The following CEP70 variants were observed in gnomAD, a reference collection of about 807,000 sequenced individuals.
CEP70 encodes the protein centrosomal protein of 70 kDa.
A neutral mutation model predicts 90.9 loss-of-function variants in CEP70; 70 were observed. The ratio of observed to expected loss-of-function variants is 0.77; its 90% confidence interval spans 0.64 to 0.94. CEP70 has a LOEUF of 0.94. CEP70 is among the 40% of genes least tolerant of loss of function. The pLI, the probability that CEP70 is intolerant of heterozygous loss-of-function variation, is 0.00. For missense variants in CEP70, 648 were observed against 669.0 expected (o/e 0.97, Z 0.35); for synonymous variants, 220 against 228.3 (o/e 0.96, Z 0.33).
At position 138,578,899 on chromosome 3, in the gene CEP70, C is replaced by A. The variant is rs556560374; in HGVS notation, c.-5-5967G>T. Reference sequence around the variant, plus strand: ...AAGAACTATCTTTACAAAAAAGCACCTTCATAAGAGCCAAAAATCAGGTGA... The same window carrying A: ...AAGAACTATCTTTACAAAAAAGCACATTCATAAGAGCCAAAAATCAGGTGA... On this transcript the variant is annotated intron_variant, in intron 2 of 17. Coordinates refer to ENST00000264982, the MANE Select transcript of CEP70 (RefSeq NM_024491.4). Among the ~76,000 whole-genome samples, 57 of 152,308 alleles carry A rather than the reference C, an allele frequency of 3.7e-4. No individual in the cohort carries two copies. In the South Asian group the frequency reaches 8.7e-3, roughly 23 times the overall value.
chr3:138,500,600 C>A, intron 14 of CEP70, 33 bp from the exon 15 acceptor site: 2 of 1,554,150 alleles, frequency 1.3e-6, no homozygotes, highest in South Asian at 2.5e-5. Flanking sequence ...AGAAAGAGTT[C>A]ATTATCTTAA....
At chr3:138,533,594 A>G (rs2038011645) in intron 7 of CEP70, among the ~76,000 whole-genome samples, 1 of 152,168 alleles carries the variant, frequency 6.6e-6, no homozygotes, top group African/African-American at 2.4e-5. Context: ...GAACAACACA[A>G]CAATACACAA....
At chr3:138,510,111 G>T (rs1252230552) in intron 11 of CEP70, among the ~76,000 whole-genome samples, 2 of 152,036 alleles carry the variant, frequency 1.3e-5, no homozygotes, top group African/African-American at 4.8e-5. Flanking sequence ...AGAAATCTGG[G>T]CTAGTTTTGC....
chr3:138,505,220 T>C, intron 13 of CEP70, 75 bp downstream of exon 13: 5 of 1,161,004 alleles, frequency 4.3e-6, no homozygotes, highest in Non-Finnish European at 5.8e-6. Flanking sequence ...TTTTTAGCCC[T>C]GAATTAAGTC....
intron 6 of CEP70, among the ~76,000 whole-genome samples, chr3:138,543,703 C>A (rs1490479146): frequency 6.6e-6 from 1 of 152,162 alleles, no homozygotes; most frequent in Non-Finnish European, 1.5e-5. Context: ...TTGTTGCCAC[C>A]TCTATCAGGA....
chr3:138,588,556 T>C (rs2042221894), intron 2 of CEP70, among the ~76,000 whole-genome samples: 1 of 152,192 alleles, frequency 6.6e-6, no homozygotes, highest in South Asian at 2.1e-4. Flanking sequence ...CCACTACACA[T>C]ATTAGAATGG....
chr3:138,497,530 A>G, intron 17 of CEP70: 1 of 968,740 alleles, frequency 1.0e-6, no homozygotes, highest in Non-Finnish European at 1.2e-6. Context: ...AGACACTACT[A>G]CTAATGAAGC....
intron 6 of CEP70, among the ~76,000 whole-genome samples, chr3:138,540,130 GA>G (rs2038626628): frequency 6.6e-6 from 1 of 152,098 alleles, no homozygotes; most frequent in African/African-American, 2.4e-5. Flanking sequence ...AATTCATTAA[GA>G]AGTCGGCAAA....
chr3:138,558,934 G>A (rs1274281063), intron 6 of CEP70, among the ~76,000 whole-genome samples: 1 of 152,084 alleles, frequency 6.6e-6, no homozygotes, highest in East Asian at 1.9e-4. Context: ...TTGAGGTGAA[G>A]TTCACATAAC....
At chr3:138,588,784 T>C (rs2042233345) in intron 2 of CEP70, among the ~76,000 whole-genome samples, 1 of 152,216 alleles carries the variant, frequency 6.6e-6, no homozygotes, top group African/African-American at 2.4e-5. Flanking sequence ...TGTACACAAA[T>C]GTTCGTAAGA....
At chr3:138,569,109 T>C (rs2040991258) in intron 6 of CEP70, among the ~76,000 whole-genome samples, 1 of 152,178 alleles carries the variant, frequency 6.6e-6, no homozygotes, top group Admixed American at 6.5e-5. Flanking sequence ...GCAGCTCTAC[T>C]ACTGCCTGCC....
intron 7 of CEP70, 38 bp from the exon 8 acceptor site, chr3:138,532,608 TATG>T: frequency 8.0e-6 from 4 of 498,232 alleles, no homozygotes; most frequent in South Asian, 3.1e-5. Flanking sequence ...CAAAATGCGG[TATG>T]GTATTACAGC....
At chr3:138,573,813 G>A (rs1298357069) in intron 2 of CEP70, among the ~76,000 whole-genome samples, 1 of 152,186 alleles carries the variant, frequency 6.6e-6, no homozygotes, top group Non-Finnish European at 1.5e-5. Flanking sequence ...GTGGACACTG[G>A]TAAAGGTATC....
chr3:138,584,973 A>G (rs2042041624), intron 2 of CEP70, among the ~76,000 whole-genome samples: 1 of 152,108 alleles, frequency 6.6e-6, no homozygotes, highest in Non-Finnish European at 1.5e-5. Context: ...ATCAGAGATG[A>G]AAAAGGACTG....
intron 2 of CEP70, among the ~76,000 whole-genome samples, chr3:138,587,019 A>G (rs995311009): frequency 3.3e-5 from 5 of 152,090 alleles, no homozygotes; most frequent in African/African-American, 1.2e-4. Context: ...AAAAATCTCT[A>G]CAGACAAGAA....
chr3:138,513,540 GTA>G (rs1488505250), intron 11 of CEP70, among the ~76,000 whole-genome samples: 1 of 152,184 alleles, frequency 6.6e-6, no homozygotes, highest in African/African-American at 2.4e-5. Context: ...CCATCTGGGT[GTA>G]TGTCAGACTG....
At chr3:138,573,006 G>T in intron 2 of CEP70, 74 bp from the exon 3 acceptor site, 1 of 995,670 alleles carries the variant, frequency 1.0e-6, no homozygotes, top group Non-Finnish European at 1.6e-6. Context: ...AAGACAAAAA[G>T]TGCAAAAGGA....
chr3:138,511,443 G>A (rs1035462983), intron 11 of CEP70, among the ~76,000 whole-genome samples: 4 of 152,226 alleles, frequency 2.6e-5, no homozygotes, highest in Admixed American at 6.5e-5. Context: ...AGGACTAGAC[G>A]TAAACTGATA....
At chr3:138,505,227 A>G in intron 13 of CEP70, 68 bp downstream of exon 13, 1 of 1,198,172 alleles carries the variant, frequency 8.3e-7, no homozygotes, top group East Asian at 2.6e-5. Flanking sequence ...CCCTGAATTA[A>G]GTCCTATTAA....
Sources: gnomAD v4.1 joint callset for allele counts (sites outside exome capture counted in the v4.1 genomes callset) on GRCh38, gnomAD v4.1.1 for gene constraint, MANE v1.5 for transcripts, NCBI Gene and HGNC (gene_info 2026-07-23, HGNC 2026-07-21) for gene names.